Variants in MEGF10 observed in about 807,000 individuals in gnomAD.
The protein encoded by MEGF10 is multiple EGF like domains 10.
MEGF10 carries 86 observed loss-of-function variants against 147.5 expected under a neutral mutation model. The observed-to-expected ratio is 0.58, with a 90% CI of 0.49 to 0.70. The LOEUF is 0.70. Among genes scored for constraint, MEGF10 ranks in the 30% least tolerant of loss-of-function variants. The probability of loss-of-function intolerance (pLI) is 0.00; values close to 1 mark genes in which losing one functional copy is unlikely to be tolerated. For missense variants in MEGF10, 1,329 were observed against 1,487.3 expected (o/e 0.89, Z 1.75); for synonymous variants, 478 against 525.5 (o/e 0.91, Z 1.24).
At chr5:127,324,435 G>A (rs1760916792) in intron 1 of MEGF10, among the ~76,000 whole-genome samples, 1 of 151,990 alleles carries the variant, frequency 6.6e-6, no homozygotes, top group Middle Eastern at 3.2e-3. Flanking sequence ...TATAACCAGG[G>A]GATTCAGAAT....
At chr5:127,455,230 A>G (rs1766313534) in intron 23 of MEGF10, among the ~76,000 whole-genome samples, 171 bp from the exon 24 acceptor site, 2 of 152,206 alleles carry the variant, frequency 1.3e-5, no homozygotes. Flanking sequence ...TACTTTAGGG[A>G]TGGGTCATTT....
At chr5:127,236,082 C>T in the MEGF10 span, among the ~76,000 whole-genome samples, 1 of 152,060 alleles carries the variant, frequency 6.6e-6, no homozygotes, top group African/African-American at 2.4e-5. Context: ...AAGTGATTCT[C>T]TTGCCTCAGC....
intron 1 of MEGF10, among the ~76,000 whole-genome samples, chr5:127,319,433 T>C (rs1204319687): frequency 6.6e-6 from 1 of 152,180 alleles, no homozygotes; most frequent in Admixed American, 6.6e-5. Context: ...CAGATTTACA[T>C]AGTGGACTCG....
chr5:127,312,397 C>G (rs1381104961), intron 1 of MEGF10, among the ~76,000 whole-genome samples: 2 of 152,188 alleles, frequency 1.3e-5, no homozygotes, highest in African/African-American at 4.8e-5. Flanking sequence ...ACACTCCAGT[C>G]AATCACAGTA....
At chr5:127,258,116 G>C in the MEGF10 span, among the ~76,000 whole-genome samples, 1 of 152,170 alleles carries the variant, frequency 6.6e-6, no homozygotes, top group Non-Finnish European at 1.5e-5. Flanking sequence ...ATTTCCAATT[G>C]TGCTCAGTAT....
the MEGF10 span, among the ~76,000 whole-genome samples, chr5:127,274,380 T>C: frequency 8.8e-3 from 1,342 of 152,270 alleles, 20 homozygotes; most frequent in African/African-American, 0.03. Context: ...TATTTTCAAT[T>C]TTGCTAGGTG....
intron 17 of MEGF10, among the ~76,000 whole-genome samples, chr5:127,439,355 G>T (rs377260582): frequency 4.6e-5 from 7 of 152,140 alleles, no homozygotes; most frequent in African/African-American, 1.7e-4. Context: ...TAATAATAGC[G>T]TATATTTTAA....
chr5:127,452,889 C>T (rs1004811251), intron 22 of MEGF10, among the ~76,000 whole-genome samples: 1 of 152,194 alleles, frequency 6.6e-6, no homozygotes, highest in Non-Finnish European at 1.5e-5. Flanking sequence ...TTCCCCCCAG[C>T]TATGGGCTTG....
chr5:127,388,655 C>T (rs1763529844), intron 5 of MEGF10, among the ~76,000 whole-genome samples: 1 of 151,974 alleles, frequency 6.6e-6, no homozygotes, highest in Non-Finnish European at 1.5e-5. Context: ...ACACCATTCT[C>T]CTGCCTCAGC....
At chr5:127,296,390 T>TAGTTTAA in intron 1 of MEGF10, among the ~76,000 whole-genome samples, 1 of 152,356 alleles carries the variant, frequency 6.6e-6, no homozygotes, top group South Asian at 2.1e-4. Context: ...ATGTAAAGCA[T>TAGTTTAA]TTAAGCACCT....
intron 7 of MEGF10, among the ~76,000 whole-genome samples, chr5:127,401,921 C>G (rs1008711845): frequency 6.6e-6 from 1 of 152,186 alleles, no homozygotes; most frequent in Non-Finnish European, 1.5e-5. Flanking sequence ...CTCAGCAATG[C>G]TTGTTGAATC....
the MEGF10 span, among the ~76,000 whole-genome samples, chr5:127,257,305 A>AT: frequency 3.7e-5 from 4 of 108,422 alleles, no homozygotes; most frequent in African/African-American, 1.6e-4. Context: ...ATTTCTTTTT[A>AT]TTAAAAAAAA....
At chr5:127,268,364 C>G in the MEGF10 span, among the ~76,000 whole-genome samples, 1 of 152,070 alleles carries the variant, frequency 6.6e-6, no homozygotes, top group Non-Finnish European at 1.5e-5. Flanking sequence ...GGAATAAGTG[C>G]GATGTGGTTC....
At chr5:127,352,583 C>T (rs796589172) in intron 4 of MEGF10, among the ~76,000 whole-genome samples, 3 of 152,278 alleles carry the variant, frequency 2.0e-5, no homozygotes, top group African/African-American at 7.2e-5. Flanking sequence ...ATCGCTTGAA[C>T]CCAGGAGGTG....
chr5:127,454,138 A>G (rs1020853622), intron 22 of MEGF10, among the ~76,000 whole-genome samples: 2 of 152,232 alleles, frequency 1.3e-5, no homozygotes, highest in Non-Finnish European at 2.9e-5. Flanking sequence ...TCCAGAAAAC[A>G]TGCTTATAGT....
chr5:127,325,829 A>ATATATATATATACATATATGTGTG (rs1561572096), intron 1 of MEGF10, among the ~76,000 whole-genome samples: 19 of 22,348 alleles, frequency 8.5e-4, no homozygotes, highest in Non-Finnish European at 1.2e-3. Context: ...ATTTGAGAGT[A>ATATATATATATACATATATGTGTG]TATATATATA....
chr5:127,315,714 C>T (rs865883235), intron 1 of MEGF10, among the ~76,000 whole-genome samples: 2 of 152,086 alleles, frequency 1.3e-5, no homozygotes, highest in Non-Finnish European at 1.5e-5. Flanking sequence ...GTTGAGGCAG[C>T]AGTGAGCTGT....
chr5:127,444,558 G>A (rs1332780380), intron 19 of MEGF10: 1 of 152,220 alleles, frequency 6.6e-6, no homozygotes, highest in Non-Finnish European at 1.5e-5. Flanking sequence ...ACTGCAGCCT[G>A]AAAGCTTAAG....
chr5:127,445,310 G>C lies in MEGF10; in HGVS notation c.2492-147G>C. 3 of 671,404 alleles carry C rather than the reference G, an allele frequency of 4.5e-6. No homozygotes were observed. In the South Asian group the frequency reaches 5.5e-5, roughly 12 times the overall value. The allele number at this position is 671,404 out of a possible 1,614,324, so 41.6% of individuals were successfully genotyped here. A position where few individuals can be genotyped will look rare whatever the true frequency, so the allele number is the denominator to read the frequency against. On this transcript the variant is annotated intron_variant, in intron 19 of 24. Coordinates refer to ENST00000503335, the MANE Select transcript of MEGF10 (RefSeq NM_001256545.2). The stretch of plus-strand genomic sequence containing the variant: ...CAACATCTGACAATGAGGAATGTTT[G>C]CTTTTTCTTCCTGCTCTGTTTCCAA...
Sources: allele counts gnomAD v4.1 joint callset (sites outside exome capture counted in the v4.1 genomes callset), GRCh38; gene constraint gnomAD v4.1.1; transcripts MANE v1.5; gene names NCBI Gene and HGNC (gene_info 2026-07-23, HGNC 2026-07-21).